FAM20A: variants seen among roughly 807,000 people sequenced by gnomAD.
FAM20A encodes pseudokinase FAM20A.
FAM20A carries 42 observed loss-of-function variants against 52.0 expected under a neutral mutation model. That is an observed-to-expected ratio of 0.81 (90% CI 0.63 to 1.04). The LOEUF is 1.04. Ranked by LOEUF, FAM20A falls within the 50% of genes least tolerant of loss-of-function variation. FAM20A has a pLI of 0.00. For synonymous variants in FAM20A, 304 were observed against 298.9 expected (o/e 1.02, Z -0.18); for missense variants, 742 against 712.7 (o/e 1.04, Z -0.47).
chr17:68,582,613 T>C (rs1200258568), intron 1 of FAM20A: 4 of 152,126 alleles, frequency 2.6e-5, no homozygotes, highest in African/African-American at 9.7e-5. Context: ...ATCAGTGCTG[T>C]AGGAAACCAG....
chr17:68,565,717 CT>C (rs1317005683), intron 1 of FAM20A, among the ~76,000 whole-genome samples: 2 of 152,080 alleles, frequency 1.3e-5, no homozygotes, highest in Non-Finnish European at 2.9e-5. Context: ...TAATTTTCCC[CT>C]TTTTTTCTGT....
chr17:68,578,913 G>T (rs1483430716), intron 1 of FAM20A, among the ~76,000 whole-genome samples: 1 of 150,478 alleles, frequency 6.6e-6, no homozygotes, highest in East Asian at 1.9e-4. Context: ...TATTCAGGAG[G>T]CTGAGGTAGA....
Position 68,535,842 on chromosome 17 carries a change from A to G in FAM20A, c.*1635T>C. On this transcript the variant is annotated 3_prime_UTR_variant, in exon 11 of 11. Coordinates refer to ENST00000592554, the MANE Select transcript of FAM20A (RefSeq NM_017565.4). ...TTAAGCAAACAAATTTGACTTCATA[A>G]ATTGGGTGGGATACTGTTGGGTTTT... The G allele has an allele frequency of 2.2e-6, 1 of 453,728 alleles. No individual in the cohort carries two copies. The highest frequency in any genetic ancestry group is 2.0e-5 in the African/African-American group (1 of 49,984). 28.1% of individuals were successfully genotyped at this position (453,728 alleles called of 1,614,324 possible). A position where few individuals can be genotyped will look rare whatever the true frequency, so the allele number is the denominator to read the frequency against.
chr17:68,582,976 T>G (rs1487598778), intron 1 of FAM20A, among the ~76,000 whole-genome samples: 1 of 151,320 alleles, frequency 6.6e-6, no homozygotes, highest in Non-Finnish European at 1.5e-5. Flanking sequence ...ATTTTTTTTT[T>G]TTTGTATTTT....
At position 68,555,562 on chromosome 17, in the gene FAM20A, C is replaced by T; in HGVS notation, c.586G>A (p.Ala196Thr). 3 of 1,612,716 alleles carry T rather than the reference C, an allele frequency of 1.9e-6. No individual in the cohort carries two copies. Among genetic ancestry groups the T allele is most frequent in the Non-Finnish European group, 2.5e-6 (3 of 1,180,030 alleles). Residue 196 changes from alanine to threonine, a missense_variant, in exon 2 of 11, where the codon GCT (alanine) becomes ACT (threonine). Ala to Thr is a moderately conservative substitution (Grantham distance 58). Coordinates refer to ENST00000592554, the MANE Select transcript of FAM20A (RefSeq NM_017565.4). ...TGCTTGATCCCATGAACCTTACCAG[C>T]ACTGATGGTGGGAAAGTGCCTCATG... ...QDMRHFPTIS[A>T]DYSQDEKALL...
intron 4 of FAM20A, among the ~76,000 whole-genome samples, chr17:68,550,389 T>TTTC (rs2086780725): frequency 7.2e-6 from 1 of 138,864 alleles, no homozygotes; most frequent in Non-Finnish European, 1.5e-5. Flanking sequence ...TTTTTTTTTT[T>TTTC]TTTTTTTAAG....
At position 68,540,891 on chromosome 17, in the gene FAM20A, G is replaced by T; in HGVS notation, c.1177C>A (p.Leu393Ile). 6.2e-7 allele frequency: 1 copy of T among 1,605,460 alleles called. No individual in the cohort carries two copies. The highest frequency in any genetic ancestry group is 8.5e-7 in the Non-Finnish European group (1 of 1,176,150). The change falls in exon 8 of 11, where the codon CTC becomes ATC. Residue 393 changes from leucine (L) to isoleucine (I), a missense_variant. Leu to Ile is a conservative substitution (Grantham distance 5). Coordinates refer to ENST00000592554, the MANE Select transcript of FAM20A (RefSeq NM_017565.4). ...QIYPYNNSQR[L>I]LNVIDMAIFD... Reference sequence around the variant, plus strand: ...ATGGCCATGTCGATGACATTGAGGAGCCGCTGGCTGTTGTTGTACGGGTAG... The same window carrying T: ...ATGGCCATGTCGATGACATTGAGGATCCGCTGGCTGTTGTTGTACGGGTAG...
At chr17:68,576,904 G>C (rs901519105) in intron 1 of FAM20A, among the ~76,000 whole-genome samples, 13 of 152,102 alleles carry the variant, frequency 8.5e-5, no homozygotes, top group Non-Finnish European at 1.3e-4. Context: ...TCTAGGAGCT[G>C]GGACTCTGTC....
At chr17:68,578,388 C>A (rs996865875) in intron 1 of FAM20A, among the ~76,000 whole-genome samples, 4 of 152,160 alleles carry the variant, frequency 2.6e-5, no homozygotes, top group African/African-American at 4.8e-5. Flanking sequence ...AGATTAAATT[C>A]TTTCAAGTCC....
chr17:68,550,060 G>A (rs530600340), intron 4 of FAM20A, among the ~76,000 whole-genome samples: 1 of 152,232 alleles, frequency 6.6e-6, no homozygotes. Context: ...TAGTGTAACC[G>A]GTTACAACGG....
At chr17:68,567,125 C>T (rs1256913297) in intron 1 of FAM20A, among the ~76,000 whole-genome samples, 2 of 151,852 alleles carry the variant, frequency 1.3e-5, no homozygotes, top group Admixed American at 6.6e-5. Context: ...CAGCAGTAGA[C>T]TCATAAATTC....
intron 1 of FAM20A, among the ~76,000 whole-genome samples, chr17:68,575,396 T>TA (rs397837470): frequency 1.5e-5 from 2 of 133,600 alleles, no homozygotes; most frequent in South Asian, 2.2e-4. Context: ...TATATATATA[T>TA]TTTATATATA....
chr17:68,580,083 C>G (rs1172685626), intron 1 of FAM20A, among the ~76,000 whole-genome samples: 6 of 152,328 alleles, frequency 3.9e-5, no homozygotes. Flanking sequence ...TCTCCTCAAG[C>G]TCTTAAAGAA....
rs2086093486 is a variant in FAM20A, at chr17:68,536,250, A to T, written c.*1227T>A. Reference sequence around the variant, plus strand: ...ACAGCTCCATTCTATTCTCATGCTTACAGTATTTGAACTCTGGCCTTTACT... The same window carrying T: ...ACAGCTCCATTCTATTCTCATGCTTTCAGTATTTGAACTCTGGCCTTTACT... On this transcript the variant is annotated 3_prime_UTR_variant, in exon 11 of 11. Transcript: ENST00000592554. 1 of 454,026 alleles carries T rather than the reference A, an allele frequency of 2.2e-6. No homozygotes were observed. Among genetic ancestry groups the T allele is most frequent in the Admixed American group, 2.3e-5 (1 of 42,560 alleles). The allele number at this position is 454,026 out of a possible 1,614,324, so 28.1% of individuals were successfully genotyped here. A position where few individuals can be genotyped will look rare whatever the true frequency, so the allele number is the denominator to read the frequency against.
At chr17:68,559,662 G>A (rs541330739) in intron 1 of FAM20A, among the ~76,000 whole-genome samples, 2 of 152,280 alleles carry the variant, frequency 1.3e-5, no homozygotes, top group East Asian at 3.9e-4. Flanking sequence ...AGTAGCAAAT[G>A]CATTTACATG....
intron 1 of FAM20A, among the ~76,000 whole-genome samples, chr17:68,592,704 T>C (rs969506261): frequency 6.6e-6 from 1 of 152,260 alleles, no homozygotes; most frequent in African/African-American, 2.4e-5. Context: ...TCTCAGTCCA[T>C]GTACCCTGTG....
At chr17:68,541,896 A>G in intron 7 of FAM20A, 89 bp downstream of exon 7, 1 of 1,474,910 alleles carries the variant, frequency 6.8e-7, no homozygotes, top group Non-Finnish European at 9.2e-7. Context: ...AGCTTTTCAG[A>G]TTCAAAAGCC....
chr17:68,555,276 G>T, intron 2 of FAM20A, among the ~76,000 whole-genome samples: 1 of 152,184 alleles, frequency 6.6e-6, no homozygotes, highest in East Asian at 1.9e-4. Context: ...AAGGTCTTTG[G>T]TTGAAAGAGA....
rs771420640 is a variant in FAM20A, at chr17:68,536,215, C to G, written c.*1262G>C. The G allele has an allele frequency of 2.2e-6, 1 of 454,098 alleles. No individual in the cohort carries two copies. The highest frequency in any genetic ancestry group is 2.3e-5 in the Admixed American group (1 of 42,574). 28.1% of individuals were successfully genotyped at this position (454,098 alleles called of 1,614,324 possible). A position where few individuals can be genotyped will look rare whatever the true frequency, so the allele number is the denominator to read the frequency against. On this transcript the variant is annotated 3_prime_UTR_variant, in exon 11 of 11. Transcript: ENST00000592554. ...CATTTCTGGTTCTTGACCTTGTACT[C>G]TCTTTAGTGACAGCTCCATTCTATT...
Sources: gnomAD v4.1 joint callset for allele counts (sites outside exome capture counted in the v4.1 genomes callset) on GRCh38, gnomAD v4.1.1 for gene constraint, MANE v1.5 for transcripts, NCBI Gene and HGNC (gene_info 2026-07-23, HGNC 2026-07-21) for gene names.